PLCH2: variants seen among roughly 807,000 people sequenced by gnomAD.
The protein encoded by PLCH2 is phospholipase C eta 2.
PLCH2 carries 98 observed loss-of-function variants against 134.7 expected under a neutral mutation model. That is an observed-to-expected ratio of 0.73 (90% CI 0.62 to 0.86). PLCH2 has a LOEUF of 0.86. Among genes scored for constraint, PLCH2 ranks in the 40% least tolerant of loss-of-function variants. PLCH2 has a pLI of 0.00. For synonymous variants in PLCH2, 974 were observed against 827.5 expected (o/e 1.18, Z -3.04); for missense variants, 1,994 against 1,986.6 (o/e 1.00, Z -0.07).
At chr1:2,447,419 C>A (rs1386127237) in intron 2 of PLCH2, among the ~76,000 whole-genome samples, 3 of 152,204 alleles carry the variant, frequency 2.0e-5, no homozygotes, top group Non-Finnish European at 4.4e-5. Context: ...AGGGCTCCCC[C>A]TCCCCTCCCC....
chr1:2,498,745 T>C lies in PLCH2; in HGVS notation c.2351T>C (p.Ile784Thr), dbSNP rs1643040255. The C allele has an allele frequency of 2.5e-6, 4 of 1,608,686 alleles. No individual in the cohort carries two copies. In the East Asian group the frequency reaches 6.7e-5, roughly 27 times the overall value. The change falls in exon 18 of 22, where the codon ATC becomes ACC. Residue 784 changes from isoleucine to threonine, a missense_variant and splice_region_variant. Ile to Thr is a moderately conservative substitution (Grantham distance 89). Transcript: ENST00000378486. This position sits in a 1 kb window ranked among gnomAD's most constrained non-coding sequence, Gnocchi z 5.4. ...RDSMLGDRGE[I>T]IDPFVEVEII... is the part of the protein sequence containing the mutation. ...GCCACCCCCACTCCTGTGTCCCAGA[T>C]CATCGACCCCTTTGTGGAGGTGGAG...
intron 2 of PLCH2, among the ~76,000 whole-genome samples, chr1:2,458,388 C>A (rs1011988561): frequency 6.6e-6 from 1 of 152,308 alleles, no homozygotes. Flanking sequence ...ACAGCAGGAG[C>A]CCTCAGCCGG....
At chr1:2,473,015 G>A (rs1028698001), upstream of PLCH2, among the ~76,000 whole-genome samples, 3 of 152,124 alleles carry the variant, frequency 2.0e-5, no homozygotes, top group Non-Finnish European at 4.4e-5. Context: ...GCCACCGCTG[G>A]CCCCTTGTTG....
At chr1:2,466,973 C>T (rs115216442), upstream of PLCH2, among the ~76,000 whole-genome samples, 3,479 of 152,294 alleles carry the variant, frequency 0.023, 139 homozygotes, top group African/African-American at 0.079. Flanking sequence ...CCCCCCAGGG[C>T]AGCCAGTGAA....
At chr1:2,420,243 G>A in the PLCH2 span, among the ~76,000 whole-genome samples, 1 of 152,044 alleles carries the variant, frequency 6.6e-6, no homozygotes, top group South Asian at 2.1e-4. Flanking sequence ...GTGTCTGGGG[G>A]GCATCCAGGC....
intron 4 of PLCH2, 114 bp downstream of exon 4, chr1:2,480,426 C>G: frequency 8.4e-7 from 1 of 1,185,010 alleles, no homozygotes; most frequent in Non-Finnish European, 1.2e-6. Flanking sequence ...CTGGCAGTGC[C>G]CTCAAGCTGC....
At chr1:2,450,662 C>G in intron 2 of PLCH2, among the ~76,000 whole-genome samples, 1 of 66,436 alleles carries the variant, frequency 1.5e-5, no homozygotes, top group South Asian at 7.5e-4. Context: ...TGTCTGCCCC[C>G]CTGCTCCCCG....
upstream of PLCH2, among the ~76,000 whole-genome samples, chr1:2,425,024 G>A (rs866814677): frequency 1.1e-4 from 17 of 151,982 alleles, no homozygotes; most frequent in East Asian, 1.9e-4. Flanking sequence ...TTAGACGTGC[G>A]TGGTGGCGGC....
intron 2 of PLCH2, among the ~76,000 whole-genome samples, chr1:2,458,222 G>A (rs1640594386): frequency 6.6e-6 from 1 of 152,204 alleles, no homozygotes; most frequent in Admixed American, 6.5e-5. Flanking sequence ...ATCAGTCCCC[G>A]TAAGGCCCTG....
At position 2,476,676 on chromosome 1, in the gene PLCH2, G is replaced by A. The variant is rs1557992290; in HGVS notation, c.88G>A (p.Val30Met). Residue 30 changes from valine (V) to methionine (M), a missense_variant, in exon 1 of 22, where the codon GTG becomes ATG. Physicochemically the swap from Val to Met is conservative, Grantham distance 21. This residue lies in a region of PLCH2 where 1,094 missense variants were observed against 1,234.3 expected (regional missense o/e 0.89). Transcript: ENST00000378486. ...GGTACTCCTCTGGGTTGGAGGGAGT[G>A]TGGTGCTGTCTTCAGAGTGGCAGCT... ...AEVLLWVGGSVVLSSEWQLGP... is the reference protein window; with the variant it reads ...AEVLLWVGGSMVLSSEWQLGP... The A allele has an allele frequency of 5.0e-6, 8 of 1,610,814 alleles. No individual in the cohort carries two copies. Among genetic ancestry groups the A allele is most frequent in the Admixed American group, 3.3e-5 (2 of 59,838 alleles).
intron 11 of PLCH2, among the ~76,000 whole-genome samples, chr1:2,491,545 C>T (rs976716480): frequency 6.6e-6 from 1 of 152,250 alleles, no homozygotes; most frequent in African/African-American, 2.4e-5. Context: ...CCCAGCCAGT[C>T]GTTGAGAGCT....
chr1:2,480,623 G>A (rs926941887), intron 4 of PLCH2, among the ~76,000 whole-genome samples: 3 of 152,164 alleles, frequency 2.0e-5, no homozygotes, highest in African/African-American at 7.2e-5. Context: ...GGGCATTCAG[G>A]GCAGGTGCCC....
chr1:2,482,730 C>T (rs1053694708), intron 4 of PLCH2, among the ~76,000 whole-genome samples: 15 of 152,178 alleles, frequency 9.9e-5, no homozygotes, highest in Non-Finnish European at 2.2e-4. Context: ...GCACCACCAC[C>T]CCTGGCCACC....
chr1:2,444,104 G>A lies in PLCH2; in HGVS notation c.115+13475G>A, dbSNP rs750158835. ...AGACTCGGGAGCGGAGGCTCGGATC[G>A]CGGTGGCACGGGCAGGGGTGCGGGC... is the stretch of plus-strand genomic sequence containing the variant. On this transcript the variant is annotated intron_variant, in intron 2 of 3. Transcript: ENST00000609981. This position sits in a 1 kb window ranked among gnomAD's most constrained non-coding sequence, Gnocchi z 4.6. Among the ~76,000 whole-genome samples, 3 of 152,212 alleles carry A rather than the reference G, an allele frequency of 2.0e-5. No homozygotes were observed. The highest frequency in any genetic ancestry group is 4.4e-5 in the Non-Finnish European group (3 of 68,024).
In PLCH2 at chr1:2,497,571, G is replaced by A; in HGVS notation, c.2186G>A (p.Gly729Asp). 6.4e-7 allele frequency: 1 copy of A among 1,563,922 alleles called. No individual in the cohort carries two copies. The highest frequency in any genetic ancestry group is 8.7e-7 in the Non-Finnish European group (1 of 1,154,732). Reference sequence around the variant, plus strand: ...CGAGCCAAGTTCAGCGCCAACGGTGGCTGCGGCTACGTACTCAAGCCTGGG... The same window carrying A: ...CGAGCCAAGTTCAGCGCCAACGGTGACTGCGGCTACGTACTCAAGCCTGGG... ...LNRAKFSANG[G>D]CGYVLKPGCM... is the part of the protein sequence containing the mutation. The change falls in exon 16 of 22, where the codon GGC (glycine) becomes GAC (aspartate). Residue 729 changes from glycine to aspartate, a missense_variant. Coordinates refer to ENST00000378486, the MANE Select transcript of PLCH2 (RefSeq NM_014638.4).
At chr1:2,474,502 C>T (rs767999274), upstream of PLCH2, among the ~76,000 whole-genome samples, 20 of 152,146 alleles carry the variant, frequency 1.3e-4, no homozygotes, top group Non-Finnish European at 2.2e-4. Flanking sequence ...CGTTGTGGGG[C>T]TGGGGCCAGG....
chr1:2,500,118 C>T, intron 20 of PLCH2: 2 of 225,944 alleles, frequency 8.9e-6, no homozygotes, highest in Admixed American at 1.0e-4. Flanking sequence ...CCCTCTACTT[C>T]CTGGTGTCAC....
Position 2,446,050 on chromosome 1 carries a change from G to A in PLCH2, c.115+15421G>A, listed in dbSNP as rs542772831. ...TGGGCACGCCGACGGGAGGGGGGCT[G>A]AGGACCAGCCCAGAGGGTCCCTCCC... On this transcript the variant is annotated intron_variant, in intron 2 of 3. Coordinates refer to the PLCH2 transcript ENST00000609981. 1.4e-4 allele frequency among the ~76,000 whole-genome samples: 21 copies of A among 152,324 alleles called. No individual in the cohort carries two copies. In the South Asian group the frequency reaches 3.9e-3, roughly 29 times the overall value.
At chr1:2,485,334 G>T (rs1642231034) in intron 5 of PLCH2, among the ~76,000 whole-genome samples, 4 of 152,224 alleles carry the variant, frequency 2.6e-5, no homozygotes, top group Admixed American at 2.6e-4. Flanking sequence ...GGAGTTGCAG[G>T]TCCAGCCAGG....
Sources: gnomAD v4.1 joint callset for allele counts (sites outside exome capture counted in the v4.1 genomes callset) on GRCh38, gnomAD v4.1.1 for gene constraint, gnomAD v4.1.1 regional missense constraint, Gnocchi (gnomAD v3.1) non-coding constraint, MANE v1.5 for transcripts, NCBI Gene and HGNC (gene_info 2026-07-23, HGNC 2026-07-21) for gene names.